Variants in ADAMTS9 observed in about 807,000 individuals in gnomAD.
The protein encoded by ADAMTS9 is A disintegrin and metalloproteinase with thrombospondin motifs 9.
Under a neutral mutation model 257.1 loss-of-function variants are expected in ADAMTS9, and 107 were observed. The observed-to-expected ratio is 0.42, with a 90% CI of 0.36 to 0.49. The LOEUF (loss-of-function observed/expected upper bound fraction) is 0.49, where lower values mean the gene tolerates loss of function less well. Among genes scored for constraint, ADAMTS9 ranks in the 20% least tolerant of loss-of-function variants. The pLI is 0.03. For missense variants in ADAMTS9, 2,353 were observed against 2,469.1 expected, an observed-to-expected ratio of 0.95 and a Z score of 1.00; for synonymous variants, 982 against 880.9, an observed-to-expected ratio of 1.11 and a Z score of -2.03.
intron 30 of ADAMTS9, among the ~76,000 whole-genome samples, chr3:64,556,374 G>A (rs908609637): frequency 3.3e-5 from 5 of 152,176 alleles, no homozygotes; most frequent in African/African-American, 1.2e-4. Flanking sequence ...AGGCCGTAGT[G>A]CAGTGGCCTG....
At chr3:64,646,350 T>A (rs750728543) in intron 11 of ADAMTS9, among the ~76,000 whole-genome samples, 2 of 152,192 alleles carry the variant, frequency 1.3e-5, no homozygotes, top group African/African-American at 2.4e-5. Context: ...AGAATGAGTG[T>A]CATATTCAAT....
chr3:64,574,610 G>A (rs1248745027), intron 28 of ADAMTS9, among the ~76,000 whole-genome samples: 2 of 150,766 alleles, frequency 1.3e-5, no homozygotes, highest in African/African-American at 4.9e-5. Context: ...ATGCACAGCT[G>A]TTGTTCCAAC....
intron 3 of ADAMTS9, among the ~76,000 whole-genome samples, chr3:64,672,346 C>T (rs922927285): frequency 6.6e-6 from 1 of 152,184 alleles, no homozygotes; most frequent in Non-Finnish European, 1.5e-5. Flanking sequence ...AGGTGTAAAG[C>T]AGGCAGCTCT....
intron 22 of ADAMTS9, among the ~76,000 whole-genome samples, chr3:64,611,991 G>A (rs1014403518): frequency 6.6e-6 from 1 of 152,134 alleles, no homozygotes; most frequent in Non-Finnish European, 1.5e-5. Context: ...CAAACAATTG[G>A]CAGAGTACAG....
chr3:64,658,418 G>A (rs1701138110), intron 4 of ADAMTS9, 84 bp downstream of exon 4: 2 of 1,379,032 alleles, frequency 1.5e-6, no homozygotes, highest in South Asian at 2.9e-5. Flanking sequence ...GTTCTGAATG[G>A]TCCTCCAAAG....
chr3:64,621,261 A>C, intron 18 of ADAMTS9, 21 bp from the exon 19 acceptor site: 1 of 1,602,706 alleles, frequency 6.2e-7, no homozygotes, highest in Non-Finnish European at 8.5e-7. Flanking sequence ...AGGGAAAAAA[A>C]ATTATTCAGG....
At chr3:64,651,989 GA>G (rs1160025889) in intron 8 of ADAMTS9, among the ~76,000 whole-genome samples, 1 of 151,874 alleles carries the variant, frequency 6.6e-6, no homozygotes, top group Middle Eastern at 3.4e-3. Context: ...AGCAGGAGTG[GA>G]AAAAAAATAG....
rs369282537 is a variant in ADAMTS9 at position 64,638,565 on chromosome 3, T to A, written c.1856+3283A>T. 3.9e-5 allele frequency among the ~76,000 whole-genome samples: 6 copies of A among 152,120 alleles called. No homozygotes were observed. In the East Asian group the frequency reaches 9.6e-4, roughly 24 times the overall value. On this transcript the variant is annotated intron_variant, in intron 12 of 39. Transcript: ENST00000498707. ...CTGTCCTTGTAAACCAGAACTATGA[T>A]CATCTTATCTGTAGGGCATGGATCA...
At chr3:64,559,541 G>A (rs2083386180) in intron 30 of ADAMTS9, among the ~76,000 whole-genome samples, 1 of 152,188 alleles carries the variant, frequency 6.6e-6, no homozygotes, top group Admixed American at 6.5e-5. Flanking sequence ...TGTGAGAATG[G>A]CAACCCTCTA....
chr3:64,607,177 C>T, intron 22 of ADAMTS9, 98 bp from the exon 23 acceptor site: 1 of 1,520,490 alleles, frequency 6.6e-7, no homozygotes, highest in Non-Finnish European at 8.9e-7. Flanking sequence ...ACTTCCATCA[C>T]AGTAGGCCAG....
At chr3:64,656,306 T>C (rs1701067631) in intron 4 of ADAMTS9, among the ~76,000 whole-genome samples, 1 of 152,204 alleles carries the variant, frequency 6.6e-6, no homozygotes, top group African/African-American at 2.4e-5. Context: ...GGTGGGGTTT[T>C]TATTTTTGCA....
chr3:64,636,079 T>TA (rs1324568404), intron 12 of ADAMTS9, among the ~76,000 whole-genome samples: 1 of 106,548 alleles, frequency 9.4e-6, no homozygotes, highest in Non-Finnish European at 1.8e-5. Flanking sequence ...TAAAGTTTTT[T>TA]AAATTGATTT....
At chr3:64,658,045 C>G (rs1482255658) in intron 4 of ADAMTS9, among the ~76,000 whole-genome samples, 1 of 152,134 alleles carries the variant, frequency 6.6e-6, no homozygotes, top group Non-Finnish European at 1.5e-5. Flanking sequence ...CCTAATACTA[C>G]TGAATATCCA....
At chr3:64,585,753 C>A (rs1484820952) in intron 28 of ADAMTS9, among the ~76,000 whole-genome samples, 2 of 152,030 alleles carry the variant, frequency 1.3e-5, no homozygotes, top group Non-Finnish European at 2.9e-5. Flanking sequence ...ACTAAAAATG[C>A]CAGAGATAGC....
chr3:64,626,678 C>T (rs141523497), intron 16 of ADAMTS9, among the ~76,000 whole-genome samples: 1 of 152,210 alleles, frequency 6.6e-6, no homozygotes, highest in African/African-American at 2.4e-5. Context: ...TAGTCCTACC[C>T]CTTAAATATA....
At chr3:64,631,390 G>C in intron 16 of ADAMTS9, 65 bp downstream of exon 16, 1 of 1,265,288 alleles carries the variant, frequency 7.9e-7, no homozygotes, top group Non-Finnish European at 1.2e-6. Context: ...GAGAAGGAAG[G>C]AAGCAGTATC....
At chr3:64,659,778 C>T (rs1027137760) in intron 3 of ADAMTS9, among the ~76,000 whole-genome samples, 6 of 152,154 alleles carry the variant, frequency 3.9e-5, no homozygotes, top group Admixed American at 3.9e-4. Context: ...CAGATTAGCT[C>T]TACTCATTTC....
intron 22 of ADAMTS9, among the ~76,000 whole-genome samples, chr3:64,611,092 A>AG (rs1427425926): frequency 6.6e-6 from 1 of 151,482 alleles, no homozygotes; most frequent in African/African-American, 2.4e-5. Context: ...AAAAAAAAAA[A>AG]AAAAAAAAGT....
At chr3:64,556,396 C>T (rs1436517087) in intron 30 of ADAMTS9, among the ~76,000 whole-genome samples, 1 of 152,188 alleles carries the variant, frequency 6.6e-6, no homozygotes, top group African/African-American at 2.4e-5. Context: ...TGATAGCTCA[C>T]TGCAGCATTG....
Sources: gnomAD v4.1 joint callset for allele counts (sites outside exome capture counted in the v4.1 genomes callset) on GRCh38, gnomAD v4.1.1 for gene constraint, MANE v1.5 for transcripts, NCBI Gene and HGNC (gene_info 2026-07-23, HGNC 2026-07-21) for gene names.